The following ERI1 variants were observed in gnomAD, a reference collection of about 807,000 sequenced individuals.
The protein encoded by ERI1 is exoribonuclease 1.
Under a neutral mutation model 39.7 loss-of-function variants are expected in ERI1, and 39 were observed. The observed-to-expected ratio is 0.98, with a 90% CI of 0.76 to 1.28. The LOEUF (loss-of-function observed/expected upper bound fraction) is 1.28, where lower values mean the gene tolerates loss of function less well. Among genes scored for constraint, ERI1 ranks in the 50% most tolerant of loss-of-function variants. The probability of loss-of-function intolerance (pLI) is 0.00; values close to 1 mark genes in which losing one functional copy is unlikely to be tolerated. For missense variants in ERI1, 581 were observed against 416.9 expected, an observed-to-expected ratio of 1.39 and a Z score of -3.43; for synonymous variants, 204 against 149.6, an observed-to-expected ratio of 1.36 and a Z score of -2.65.
At chr8:9,054,651 A>C (rs963547016) in intron 3 of ERI1, among the ~76,000 whole-genome samples, 1 of 152,260 alleles carries the variant, frequency 6.6e-6, no homozygotes, top group Non-Finnish European at 1.5e-5. Flanking sequence ...TGGGCCAGGC[A>C]CCATGGCCCA....
At chr8:9,038,658 G>T (rs1410277560) in intron 3 of ERI1, among the ~76,000 whole-genome samples, 2 of 152,180 alleles carry the variant, frequency 1.3e-5, no homozygotes, top group African/African-American at 4.8e-5. Context: ...TTGGGGGGCT[G>T]ACTTGGGAGG....
At chr8:9,095,731 C>T (rs1204445457) in intron 3 of ERI1, among the ~76,000 whole-genome samples, 1 of 152,038 alleles carries the variant, frequency 6.6e-6, no homozygotes, top group African/African-American at 2.4e-5. Flanking sequence ...ATGTTGCCCA[C>T]GCTGGCCTTG....
At chr8:9,019,586 A>C (rs1031420321) in intron 5 of ERI1, among the ~76,000 whole-genome samples, 14 of 152,190 alleles carry the variant, frequency 9.2e-5, no homozygotes, top group African/African-American at 3.1e-4. Context: ...CTCCATTAAT[A>C]ATTTGGCAGC....
In ERI1 at chr8:9,029,968, G is replaced by C. The variant is rs768157663; in HGVS notation, c.984G>C (p.Met328Ile). The change falls in exon 7 of 7, where the codon ATG becomes ATC. Residue 328 changes from methionine (M) to isoleucine (I), a missense_variant. By Grantham distance (10) the Met-to-Ile change is conservative. Transcript: ENST00000250263. ...INEKMHAGQL[M>I]SVSSSLPIEG... is the part of the protein sequence containing the mutation. Reference sequence around the variant, plus strand: ...AGAAAATGCATGCAGGACAGCTAATGAGTGTGTCCTCTTCCTTACCAATAG... The same window carrying C: ...AGAAAATGCATGCAGGACAGCTAATCAGTGTGTCCTCTTCCTTACCAATAG... 12 of 1,614,018 alleles carry C rather than the reference G, an allele frequency of 7.4e-6. No homozygotes were observed. The South Asian group carries it at 1.3e-4, about 18-fold the overall frequency.
chr8:9,084,875 G>A (rs771743735), intron 3 of ERI1, among the ~76,000 whole-genome samples: 8 of 152,134 alleles, frequency 5.3e-5, no homozygotes, highest in South Asian at 2.1e-4. Flanking sequence ...CACTTCAGTC[G>A]CTCAGGAGAA....
At chr8:9,039,546 C>G (rs767172062) in intron 3 of ERI1, among the ~76,000 whole-genome samples, 11 of 152,244 alleles carry the variant, frequency 7.2e-5, no homozygotes, top group East Asian at 3.9e-4. Context: ...TAACTTATAA[C>G]AAGTCGCAGT....
intron 6 of ERI1, among the ~76,000 whole-genome samples, chr8:9,027,961 G>A (rs956061351): frequency 2.0e-5 from 3 of 152,228 alleles, no homozygotes; most frequent in African/African-American, 7.2e-5. Context: ...ATATGCTGCT[G>A]ATTTAAATTT....
intron 6 of ERI1, among the ~76,000 whole-genome samples, chr8:9,022,522 C>T (rs1421032785): frequency 1.3e-5 from 2 of 152,114 alleles, no homozygotes; most frequent in Non-Finnish European, 2.9e-5. Context: ...GTCTCAGCAT[C>T]CCGAGTAGCT....
intron 6 of ERI1, among the ~76,000 whole-genome samples, chr8:9,024,699 A>G (rs1437025435): frequency 6.6e-6 from 1 of 152,190 alleles, no homozygotes; most frequent in African/African-American, 2.4e-5. Flanking sequence ...TGCTAGGATT[A>G]CAGGCATGAG....
chr8:9,065,613 T>C (rs1798847256), intron 3 of ERI1, among the ~76,000 whole-genome samples: 2 of 146,282 alleles, frequency 1.4e-5, no homozygotes, highest in African/African-American at 2.6e-5. Context: ...GAAAATGGCA[T>C]GAACCCGGGA....
At chr8:9,052,751 A>C (rs1263831493) in intron 3 of ERI1, among the ~76,000 whole-genome samples, 2 of 152,238 alleles carry the variant, frequency 1.3e-5, no homozygotes, top group Non-Finnish European at 2.9e-5. Flanking sequence ...GGCACTGAGC[A>C]TCAAAGACCC....
chr8:9,019,430 A>G (rs1355161083), intron 5 of ERI1, among the ~76,000 whole-genome samples: 1 of 152,218 alleles, frequency 6.6e-6, no homozygotes, highest in African/African-American at 2.4e-5. Flanking sequence ...TTAAACATGA[A>G]TGAGCAGTGC....
chr8:9,004,221 C>G (rs1563302791), intron 1 of ERI1: 8 of 1,264,166 alleles, frequency 6.3e-6, no homozygotes, highest in South Asian at 1.3e-5. Context: ...AGTACTTGCA[C>G]ATCCCTTCTC....
intron 6 of ERI1, among the ~76,000 whole-genome samples, chr8:9,028,993 T>G (rs926016243): frequency 1.5e-4 from 23 of 150,696 alleles, no homozygotes; most frequent in Non-Finnish European, 3.3e-4. Flanking sequence ...TTTTTTTTTT[T>G]TTTTAACTTA....
intron 3 of ERI1, among the ~76,000 whole-genome samples, chr8:9,012,581 A>T (rs568812873): frequency 2.9e-4 from 44 of 152,228 alleles, no homozygotes; most frequent in Non-Finnish European, 5.3e-4. Context: ...TCCAAAGCAG[A>T]TTGAAGGTCA....
intron 3 of ERI1, among the ~76,000 whole-genome samples, chr8:9,078,751 A>G (rs1161081030): frequency 6.6e-6 from 1 of 152,202 alleles, no homozygotes; most frequent in East Asian, 1.9e-4. Context: ...TGTTACAACA[A>G]AGCCTTCCAG....
At chr8:9,082,146 C>T (rs1020171536) in intron 3 of ERI1, among the ~76,000 whole-genome samples, 2 of 152,190 alleles carry the variant, frequency 1.3e-5, no homozygotes, top group Non-Finnish European at 2.9e-5. Context: ...CTTTCTAGAA[C>T]CTTCCATCAG....
intron 2 of ERI1, 114 bp from the exon 3 acceptor site, chr8:9,011,428 A>G (rs776984722): frequency 9.1e-6 from 5 of 547,126 alleles, no homozygotes; most frequent in Non-Finnish European, 1.6e-5. Flanking sequence ...TTTAGCTAGC[A>G]TTTGCTAAAT....
chr8:9,005,478 G>C (rs1014641755), intron 1 of ERI1, among the ~76,000 whole-genome samples: 1 of 149,014 alleles, frequency 6.7e-6, no homozygotes, highest in Non-Finnish European at 1.5e-5. Context: ...AAGAAAATTT[G>C]TAACTCATCT....
Sources: gnomAD v4.1 joint callset for allele counts (sites outside exome capture counted in the v4.1 genomes callset) on GRCh38, gnomAD v4.1.1 for gene constraint, MANE v1.5 for transcripts, NCBI Gene and HGNC (gene_info 2026-07-23, HGNC 2026-07-21) for gene names.